The following NCAM2 variants were observed in gnomAD, a reference collection of about 807,000 sequenced individuals.
The protein encoded by NCAM2 is N-CAM-2.
In NCAM2, 30 loss-of-function variants were observed where a neutral mutation model predicts 98.1. The ratio of observed to expected loss-of-function variants is 0.31; its 90% CI spans 0.23 to 0.41. The LOEUF is 0.41. NCAM2 is among the 10% of genes least tolerant of loss of function. NCAM2 has a pLI of 1.00. For missense variants in NCAM2, 867 were observed against 1,005.8 expected (o/e 0.86, Z 1.87); for synonymous variants, 368 against 342.4 (o/e 1.07, Z -0.83).
chr21:21,119,929 T>C (rs1243708466), intron 1 of NCAM2, among the ~76,000 whole-genome samples: 1 of 152,248 alleles, frequency 6.6e-6, no homozygotes, highest in Non-Finnish European at 1.5e-5. Context: ...CTTTCTACTT[T>C]GTTTTCAGTT....
chr21:21,432,447 A>G (rs1203649412), intron 12 of NCAM2, among the ~76,000 whole-genome samples, 166 bp downstream of exon 12: 1 of 151,764 alleles, frequency 6.6e-6, no homozygotes, highest in African/African-American at 2.4e-5. Context: ...TCGAATACAG[A>G]GTGAATAGTT....
Position 21,466,742 on chromosome 21 carries a change from AT to A in NCAM2, c.1774+23del. 6.3e-7 allele frequency: 1 copy of A among 1,587,510 alleles called. No individual in the cohort carries two copies. Among genetic ancestry groups the A allele is most frequent in the Middle Eastern group, 1.7e-4 (1 of 5,968 alleles). The stretch of plus-strand genomic sequence containing the variant: ...TACCAGTTCGTAAGTAATCATCTCT[AT>A]TTTTTATTCTCTTTTGTCATTTTCT... On this transcript the variant is annotated intron_variant, in intron 13 of 17. Transcript: ENST00000400546.
In NCAM2 at chr21:21,114,745, C is replaced by A. The variant is rs553348411; in HGVS notation, c.55+116127C>A. ...ACTTCAGGGCTTCCCAGAGCTTCTT[C>A]CCCTTTAACATGAGTAATTCTGCTT... On this transcript the variant is annotated intron_variant, in intron 1 of 17. Coordinates refer to ENST00000400546, the MANE Select transcript of NCAM2 (RefSeq NM_004540.5). Among the ~76,000 whole-genome samples, 9 of 152,284 alleles carry A rather than the reference C, an allele frequency of 5.9e-5. No homozygotes were observed. The South Asian group carries it at 1.7e-3, about 28-fold the overall frequency.
At chr21:21,056,626 A>G (rs916028713) in intron 1 of NCAM2, among the ~76,000 whole-genome samples, 3 of 151,894 alleles carry the variant, frequency 2.0e-5, no homozygotes, top group Admixed American at 1.3e-4. Flanking sequence ...CTTCTCCTAA[A>G]GAAAAAACAG....
intron 1 of NCAM2, among the ~76,000 whole-genome samples, chr21:21,043,396 A>T (rs996823763): frequency 6.6e-6 from 1 of 152,194 alleles, no homozygotes; most frequent in Non-Finnish European, 1.5e-5. Flanking sequence ...TAGATGAGAT[A>T]ATGTATATAA....
chr21:21,338,205 A>C (rs2147873498), intron 7 of NCAM2, among the ~76,000 whole-genome samples, 184 bp from the exon 8 acceptor site: 1 of 152,170 alleles, frequency 6.6e-6, no homozygotes, highest in African/African-American at 2.4e-5. Context: ...TTATTTCCTA[A>C]ATTTTTTTTC....
At chr21:21,254,196 G>A (rs1354878878) in intron 1 of NCAM2, among the ~76,000 whole-genome samples, 1 of 152,070 alleles carries the variant, frequency 6.6e-6, no homozygotes, top group Non-Finnish European at 1.5e-5. Flanking sequence ...AGCACATTTA[G>A]CGTATTATTC....
chr21:21,330,033 T>TCTA (rs1236281464), intron 6 of NCAM2, among the ~76,000 whole-genome samples: 1 of 152,134 alleles, frequency 6.6e-6, no homozygotes. Context: ...GGTTATTTGT[T>TCTA]CTACTGTCTT....
chr21:21,074,872 A>G (rs912981259), intron 1 of NCAM2, among the ~76,000 whole-genome samples: 3 of 152,212 alleles, frequency 2.0e-5, no homozygotes, highest in Non-Finnish European at 2.9e-5. Flanking sequence ...TCATCATTCT[A>G]TAAAGACATG....
chr21:21,452,611 T>G (rs1981329831), intron 12 of NCAM2, among the ~76,000 whole-genome samples: 1 of 116,980 alleles, frequency 8.5e-6, no homozygotes, highest in African/African-American at 3.3e-5. Flanking sequence ...ATTGTATATA[T>G]AGTATAATAT....
intron 1 of NCAM2, among the ~76,000 whole-genome samples, chr21:21,055,695 C>T (rs774224422): frequency 6.6e-6 from 1 of 152,088 alleles, no homozygotes; most frequent in Non-Finnish European, 1.5e-5. Context: ...TAGGAGAAGG[C>T]TCAGGGACAC....
Position 21,383,181 on chromosome 21 carries a change from G to A in NCAM2, c.1195+9168G>A, listed in dbSNP as rs188543008. On this transcript the variant is annotated intron_variant, in intron 9 of 17. Coordinates refer to ENST00000400546, the MANE Select transcript of NCAM2 (RefSeq NM_004540.5). ...TCTGTATCTTTAGATAAATATGTGG[G>A]GATTTTATTTTTCAAGGAGTTAATC... is the stretch of plus-strand genomic sequence containing the variant. Among the ~76,000 whole-genome samples the A allele has an allele frequency of 3.5e-3, 533 of 152,136 alleles. 4 individuals are homozygous for A. Among genetic ancestry groups the A allele is most frequent in the African/African-American group, 0.012 (509 of 41,508 alleles).
intron 9 of NCAM2, among the ~76,000 whole-genome samples, chr21:21,408,300 G>A (rs184241315): frequency 2.0e-4 from 30 of 152,304 alleles, no homozygotes; most frequent in African/African-American, 6.7e-4. Context: ...CTAATGGAAA[G>A]CCATAGGCAA....
intron 1 of NCAM2, among the ~76,000 whole-genome samples, chr21:21,011,004 T>C (rs1412185775): frequency 2.6e-5 from 4 of 152,056 alleles, no homozygotes; most frequent in Non-Finnish European, 5.9e-5. Context: ...TAAAATCTAA[T>C]ATAGTTTCAT....
chr21:21,490,152 C>T (rs1330221014), intron 15 of NCAM2, among the ~76,000 whole-genome samples: 1 of 151,922 alleles, frequency 6.6e-6, no homozygotes, highest in Non-Finnish European at 1.5e-5. Flanking sequence ...CAAGCCTGAA[C>T]TGTCAGTAAA....
rs1417140388 is a variant in NCAM2, at chr21:21,408,554, A to T, written c.1196-1720A>T. Among the ~76,000 whole-genome samples, 4 of 152,080 alleles carry T rather than the reference A, an allele frequency of 2.6e-5. No individual in the cohort carries two copies. In the East Asian group the frequency reaches 7.7e-4, roughly 29 times the overall value. On this transcript the variant is annotated intron_variant, in intron 9 of 17. Transcript: ENST00000400546. ...ATTCCCTTTAATAATAGATGATAGG[A>T]TTCACAGCACCAAAATGTTTCAAAC...
chr21:21,084,709 C>T (rs2146421400), intron 1 of NCAM2, among the ~76,000 whole-genome samples: 1 of 151,352 alleles, frequency 6.6e-6, no homozygotes, highest in African/African-American at 2.4e-5. Context: ...CTCTTCATGC[C>T]ATGGAGGTAG....
At chr21:21,205,912 T>A (rs1234580020) in intron 1 of NCAM2, among the ~76,000 whole-genome samples, 2 of 152,138 alleles carry the variant, frequency 1.3e-5, no homozygotes, top group African/African-American at 4.8e-5. Context: ...ATATAAGGGT[T>A]CTAATCCCAT....
intron 1 of NCAM2, among the ~76,000 whole-genome samples, chr21:21,167,052 A>G (rs910982350): frequency 6.6e-6 from 1 of 152,028 alleles, no homozygotes; most frequent in African/African-American, 2.4e-5. Context: ...TTGTTGTTTT[A>G]TGTCCCTTCT....
Sources: gnomAD v4.1 joint callset for allele counts (sites outside exome capture counted in the v4.1 genomes callset) on GRCh38, gnomAD v4.1.1 for gene constraint, MANE v1.5 for transcripts, NCBI Gene and HGNC (gene_info 2026-07-23, HGNC 2026-07-21) for gene names.